The following ACCS variants were observed in gnomAD, a reference collection of about 807,000 sequenced individuals.
ACCS encodes the protein 1-aminocyclopropane-1-carboxylate synthase homolog (inactive).
A neutral mutation model predicts 59.8 loss-of-function variants in ACCS; 42 were observed. The observed-to-expected ratio is 0.70, with a 90% CI of 0.55 to 0.91. ACCS has a LOEUF of 0.91. ACCS is among the 40% of genes least tolerant of loss of function. The probability of loss-of-function intolerance (pLI) is 0.00; values close to 1 mark genes in which losing one functional copy is unlikely to be tolerated. For missense variants in ACCS, 602 were observed against 630.4 expected (o/e 0.95, Z 0.48); for synonymous variants, 230 against 240.3 (o/e 0.96, Z 0.40).
intron 4 of ACCS, 62 bp downstream of exon 4, chr11:44,073,579 T>G: frequency 6.6e-7 from 1 of 1,511,936 alleles, no homozygotes; most frequent in Non-Finnish European, 8.9e-7. Context: ...TTGGGAGACA[T>G]TTTTGGTTGT....
intron 5 of ACCS, 49 bp from the exon 6 acceptor site, chr11:44,075,477 A>T (rs1274000195): frequency 6.3e-7 from 1 of 1,598,938 alleles, no homozygotes; most frequent in East Asian, 2.2e-5. Flanking sequence ...GGGTCCGTGC[A>T]CACTCCTGGA....
chr11:44,079,227 C>T, intron 9 of ACCS: 2 of 418,946 alleles, frequency 4.8e-6, no homozygotes, highest in South Asian at 6.1e-5. Flanking sequence ...AGGGGTGGAT[C>T]CAGACTTGAA....
chr11:44,070,544 C>A (rs1033880889), intron 2 of ACCS, among the ~76,000 whole-genome samples: 3 of 152,164 alleles, frequency 2.0e-5, no homozygotes, highest in Admixed American at 6.5e-5. Flanking sequence ...TTCCTTCACT[C>A]CCCCTGCAGT....
chr11:44,068,827 TG>T (rs1361772945), intron 2 of ACCS, among the ~76,000 whole-genome samples: 1 of 152,252 alleles, frequency 6.6e-6, no homozygotes, highest in Non-Finnish European at 1.5e-5. Context: ...AATCTTTATT[TG>T]TTGAGCATCT....
At chr11:44,076,212 G>GT (rs1200712678) in intron 6 of ACCS, among the ~76,000 whole-genome samples, 6 of 152,222 alleles carry the variant, frequency 3.9e-5, no homozygotes, top group Admixed American at 6.5e-5. Flanking sequence ...AGAGCCTGTT[G>GT]TTTTAAGAAT....
rs368037459 is a variant in ACCS at position 44,073,515 on chromosome 11, G to A, written c.417G>A (p.Leu139=). The A allele has an allele frequency of 4.4e-6, 7 of 1,605,046 alleles. No individual in the cohort carries two copies. The African/African-American group carries it at 8.0e-5, about 18-fold the overall frequency. ...AGTATGCTGACTGGAGGGGACATCT[G>A]TTGTAAGTAGTTGCCATAGGGTGAG... ...LLQYADWRGH[L]FLREEVAKFL... The change falls in exon 4 of 15, where the codon CTG becomes CTA. Residue 139 remains leucine, a splice_region_variant and synonymous_variant. Transcript: ENST00000263776.
rs772379512 is a variant in ACCS, at chr11:44,075,588, C to G, written c.552C>G (p.Ala184=). The part of the protein sequence containing the change: ...FSALATVLCE[A]GEAFLIPTPY... ...CTCTGGCCACGGTGCTGTGTGAGGCCGGGGGTAAGTGAGCTCTGTGGCCTG... is the reference window on the plus strand; with the variant it reads ...CTCTGGCCACGGTGCTGTGTGAGGCGGGGGGTAAGTGAGCTCTGTGGCCTG... Residue 184 remains alanine (A), a synonymous_variant, in exon 6 of 15, where the codon GCC becomes GCG. Transcript: ENST00000263776. The G allele has an allele frequency of 3.1e-6, 5 of 1,613,952 alleles. No individual in the cohort carries two copies. Among genetic ancestry groups the G allele is most frequent in the Non-Finnish European group, 3.4e-6 (4 of 1,180,002 alleles).
chr11:44,084,023 A>C lies in ACCS; in HGVS notation c.*231A>C. On this transcript the variant is annotated 3_prime_UTR_variant, in exon 15 of 15. Transcript: ENST00000263776. The stretch of plus-strand genomic sequence containing the variant: ...ATTAAACAAAACTAGGAGAGTCCAT[A>C]TGTCTCCATTGTGAGTTATTTAGAA... 1.2e-6 allele frequency: 1 copy of C among 801,172 alleles called. No individual in the cohort carries two copies. Among genetic ancestry groups the C allele is most frequent in the Non-Finnish European group, 1.8e-6 (1 of 542,672 alleles). 49.6% of individuals were successfully genotyped at this position (801,172 alleles called of 1,614,324 possible).
At chr11:44,076,392 C>T (rs998160247) in intron 6 of ACCS, among the ~76,000 whole-genome samples, 2 of 152,184 alleles carry the variant, frequency 1.3e-5, no homozygotes, top group Admixed American at 1.3e-4. Context: ...TCAATAAGGT[C>T]GGTTCTATGG....
chr11:44,070,119 G>A (rs1199741565), intron 2 of ACCS, among the ~76,000 whole-genome samples: 1 of 152,134 alleles, frequency 6.6e-6, no homozygotes, highest in Non-Finnish European at 1.5e-5. Context: ...GGGTGGTGGA[G>A]GTGATAGAAC....
At position 44,074,598 on chromosome 11, in the gene ACCS, TG is replaced by T; in HGVS notation, c.420-13del. The T allele has an allele frequency of 6.2e-7, 1 of 1,612,682 alleles. No individual in the cohort carries two copies. The highest frequency in any genetic ancestry group is 8.5e-7 in the Non-Finnish European group (1 of 1,178,944). ...GACCATCTGGCAAGCACTGTCTTTT[TG>T]TCTTATCTTCAGCCTCCGGGAGGAA... On this transcript the variant is annotated splice_polypyrimidine_tract_variant and intron_variant, in intron 4 of 14. Coordinates refer to ENST00000263776, the MANE Select transcript of ACCS (RefSeq NM_032592.4).
rs78326930 is a variant in ACCS, at chr11:44,070,595, C to T, written c.289-661C>T. Among the ~76,000 whole-genome samples the T allele has an allele frequency of 5.7e-3, 863 of 152,208 alleles. 7 individuals are homozygous for T. Among genetic ancestry groups the T allele is most frequent in the East Asian group, 0.032 (166 of 5,170 alleles). On this transcript the variant is annotated intron_variant, in intron 2 of 14. Transcript: ENST00000263776. ...AGTTAGCTGTGCGTGAGGCCTGCAC[C>T]GAGTCTCCCTGGGGACTCTGTAAGG...
intron 2 of ACCS, 138 bp from the exon 3 acceptor site, chr11:44,071,118 C>G: frequency 1.2e-6 from 1 of 861,488 alleles, no homozygotes; most frequent in Non-Finnish European, 1.9e-6. Flanking sequence ...ACACCTTGAG[C>G]AAAGGCAAGG....
chr11:44,073,248 T>TGTGACATTGGCTGA (rs1249274632), intron 3 of ACCS, 199 bp from the exon 4 acceptor site: 3 of 628,868 alleles, frequency 4.8e-6, no homozygotes, highest in Admixed American at 2.2e-5. Context: ...TTGCTAGCTC[T>TGTGACATTGGCTGA]GTGACCTTGG....
chr11:44,079,037 CT>C (rs1477638884), intron 9 of ACCS: 1 of 492,818 alleles, frequency 2.0e-6, no homozygotes, highest in African/African-American at 1.9e-5. Context: ...CTTTATGTGC[CT>C]CATACAATCC....
chr11:44,070,957 C>T (rs529071976), intron 2 of ACCS, among the ~76,000 whole-genome samples: 15 of 152,118 alleles, frequency 9.9e-5, no homozygotes, highest in Non-Finnish European at 2.1e-4. Context: ...GGAAACTGAC[C>T]AGTTCTCTAA....
chr11:44,079,726 A>G, intron 10 of ACCS, 106 bp downstream of exon 10: 1 of 956,718 alleles, frequency 1.0e-6, no homozygotes, highest in Non-Finnish European at 1.6e-6. Flanking sequence ...GAGCAATTCC[A>G]TTTCCACCCA....
In ACCS at chr11:44,081,218, A is replaced by G. The variant is rs764432893; in HGVS notation, c.1009A>G (p.Thr337Ala). Residue 337 changes from threonine to alanine, a missense_variant, in exon 12 of 15, where the codon ACA becomes GCA. Coordinates refer to ENST00000263776, the MANE Select transcript of ACCS (RefSeq NM_032592.4). ...TGGGCTCCGCTTTGGCACGCTGTAC[A>G]CAGAAAACCAGGATGTGGCCACTGC... The part of the protein sequence containing the change: ...MSGLRFGTLY[T>A]ENQDVATAVA... The G allele has an allele frequency of 3.1e-6, 5 of 1,614,224 alleles. No homozygotes were observed. Among genetic ancestry groups the G allele is most frequent in the Non-Finnish European group, 4.2e-6 (5 of 1,180,036 alleles).
intron 2 of ACCS, among the ~76,000 whole-genome samples, chr11:44,070,855 A>G (rs985543913): frequency 3.9e-5 from 6 of 152,142 alleles, no homozygotes; most frequent in African/African-American, 1.4e-4. Flanking sequence ...CTCGAGAGAA[A>G]CAGTGGTGTC....
Sources: gnomAD v4.1 joint callset for allele counts (sites outside exome capture counted in the v4.1 genomes callset) on GRCh38, gnomAD v4.1.1 for gene constraint, MANE v1.5 for transcripts, NCBI Gene and HGNC (gene_info 2026-07-23, HGNC 2026-07-21) for gene names.